Variants in PCDHA4 observed in about 807,000 individuals in gnomAD.
The protein encoded by PCDHA4 is protocadherin alpha 4.
PCDHA4 carries 49 observed loss-of-function variants against 61.4 expected under a neutral mutation model. That is an observed-to-expected ratio of 0.80 (90% confidence interval 0.63 to 1.01). The LOEUF (loss-of-function observed/expected upper bound fraction) is 1.01, where lower values mean the gene tolerates loss of function less well. Among genes scored for constraint, PCDHA4 ranks in the 50% least tolerant of loss-of-function variants. The pLI is 0.00. For synonymous variants in PCDHA4, 590 were observed against 550.3 expected (o/e 1.07, Z -1.01); for missense variants, 1,254 against 1,235.8 (o/e 1.01, Z -0.22).
At chr5:140,836,267 T>C in intron 1 of PCDHA4, 1 of 1,613,696 alleles carries the variant, frequency 6.2e-7, no homozygotes, top group Non-Finnish European at 8.5e-7. Flanking sequence ...GGCTGTACAC[T>C]GGTGAGATCA....
At chr5:140,815,500 G>A (rs1554126799) in intron 1 of PCDHA4, 1 of 150,994 alleles carries the variant, frequency 6.6e-6, no homozygotes, top group African/African-American at 2.4e-5. Flanking sequence ...TTATGTTATT[G>A]ATGTCATAAA....
intron 1 of PCDHA4, chr5:140,882,828 A>T: frequency 6.2e-7 from 1 of 1,614,226 alleles, no homozygotes; most frequent in Non-Finnish European, 8.5e-7. Context: ...AACAGTCTTG[A>T]GCAAATGTCT....
chr5:141,005,584 C>T (rs1307831783), intron 3 of PCDHA4, among the ~76,000 whole-genome samples: 2 of 151,062 alleles, frequency 1.3e-5, no homozygotes, highest in Non-Finnish European at 2.9e-5. Context: ...TGCCTGTAGT[C>T]CCAGCTACAC....
chr5:140,823,023 C>G, intron 1 of PCDHA4: 1 of 1,614,226 alleles, frequency 6.2e-7, no homozygotes, highest in Non-Finnish European at 8.5e-7. Context: ...ACCGCGAGAG[C>G]GTGTCGGTCT....
intron 1 of PCDHA4, chr5:140,813,375 T>C (rs1765280179): frequency 1.3e-5 from 2 of 152,238 alleles, no homozygotes. Context: ...AGACCTAGGT[T>C]ACATGATCTA....
At chr5:140,985,945 T>C (rs1432402407) in intron 3 of PCDHA4, among the ~76,000 whole-genome samples, 1 of 152,080 alleles carries the variant, frequency 6.6e-6, no homozygotes, top group Non-Finnish European at 1.5e-5. Flanking sequence ...TTCACTGTGT[T>C]AGCCAGGATG....
At chr5:140,812,825 A>G (rs1312909388) in intron 1 of PCDHA4, 1 of 152,016 alleles carries the variant, frequency 6.6e-6, no homozygotes, top group Non-Finnish European at 1.5e-5. Flanking sequence ...TTGTGTTTTC[A>G]TTTTTGTTTA....
intron 1 of PCDHA4, chr5:140,858,192 T>A: frequency 6.3e-7 from 1 of 1,597,272 alleles, no homozygotes; most frequent in Non-Finnish European, 8.6e-7. Context: ...ACGCTGCTGC[T>A]GTACACTGCA....
At chr5:140,924,395 G>C (rs919795787) in intron 1 of PCDHA4, among the ~76,000 whole-genome samples, 1 of 152,024 alleles carries the variant, frequency 6.6e-6, no homozygotes, top group East Asian at 1.9e-4. Context: ...TACTTATATT[G>C]CCTTATATCA....
chr5:140,925,947 G>A (rs1447488918), intron 1 of PCDHA4, among the ~76,000 whole-genome samples: 1 of 152,066 alleles, frequency 6.6e-6, no homozygotes, highest in Non-Finnish European at 1.5e-5. Flanking sequence ...CTTGGAGAAG[G>A]AGAAACTGCT....
chr5:140,807,312 G>A lies in PCDHA4; in HGVS notation c.125G>A (p.Gly42Asp), dbSNP rs1763888909. 1 of 1,614,058 alleles carries A rather than the reference G, an allele frequency of 6.2e-7. No homozygotes were observed. The highest frequency in any genetic ancestry group is 8.5e-7 in the Non-Finnish European group (1 of 1,180,032). The change falls in exon 1 of 4, where the codon GGC becomes GAC. Residue 42 changes from glycine to aspartate, a missense_variant. By Grantham distance (94) the Gly-to-Asp change is moderately conservative. Transcript: ENST00000530339. ...HYSVSEEAKH[G>D]TFVGRIAQDL... ...TCGGTCTCCGAGGAGGCCAAACACG[G>A]CACCTTCGTGGGCCGCATCGCGCAG... is the stretch of plus-strand genomic sequence containing the variant.
At chr5:140,977,055 A>G (rs1220462981) in intron 1 of PCDHA4, among the ~76,000 whole-genome samples, 1 of 152,234 alleles carries the variant, frequency 6.6e-6, no homozygotes, top group Non-Finnish European at 1.5e-5. Context: ...CTGATGGACT[A>G]GTATAGAAAA....
At position 140,884,762 on chromosome 5, in the gene PCDHA4, A is replaced by T. The variant is rs491169; in HGVS notation, c.2385+75190A>T. 4,163 of 1,423,128 alleles carry T rather than the reference A, an allele frequency of 2.9e-3. 95 individuals carry two copies. The African/African-American group carries it at 0.053, about 18-fold the overall frequency. 88.2% of individuals were successfully genotyped at this position (1,423,128 alleles called of 1,614,324 possible). A position where few individuals can be genotyped will look rare whatever the true frequency, so the allele number is the denominator to read the frequency against. On this transcript the variant is annotated intron_variant, in intron 1 of 3. Coordinates refer to ENST00000530339, the MANE Select transcript of PCDHA4 (RefSeq NM_018907.4). ...TCCTGCCAATTTCAAATTATTCTTT[A>T]CTTTAATTTTAATTTTGCTAGTTGT...
chr5:140,962,855 G>A (rs556272423), intron 1 of PCDHA4, among the ~76,000 whole-genome samples: 286 of 152,196 alleles, frequency 1.9e-3, no homozygotes, highest in Admixed American at 3.8e-3. Context: ...CTTGTGCTCG[G>A]TTTGTAGAGC....
intron 1 of PCDHA4, chr5:140,883,245 G>C: frequency 6.2e-7 from 1 of 1,614,016 alleles, no homozygotes; most frequent in South Asian, 1.1e-5. Context: ...GTTGACAAAG[G>C]AAATATTCCA....
chr5:140,964,585 T>C (rs1275209289), intron 1 of PCDHA4, among the ~76,000 whole-genome samples: 1 of 151,992 alleles, frequency 6.6e-6, no homozygotes, highest in Non-Finnish European at 1.5e-5. Flanking sequence ...GGAGGAAAGA[T>C]CACTTTTCAT....
chr5:140,858,279 G>C, intron 1 of PCDHA4: 1 of 1,597,396 alleles, frequency 6.3e-7, no homozygotes, highest in Non-Finnish European at 8.6e-7. Context: ...AGCGCGGTGG[G>C]GAGCTGGTCT....
chr5:140,906,486 A>C (rs2072686991), intron 1 of PCDHA4, among the ~76,000 whole-genome samples: 1 of 152,270 alleles, frequency 6.6e-6, no homozygotes, highest in East Asian at 1.9e-4. Context: ...GTATAAATGC[A>C]CAAACATGTT....
chr5:140,832,198 T>G (rs1771866666), intron 1 of PCDHA4, among the ~76,000 whole-genome samples: 1 of 152,250 alleles, frequency 6.6e-6, no homozygotes, highest in Non-Finnish European at 1.5e-5. Context: ...TTTAACCTGC[T>G]GAGTCCTCAG....
Sources: allele counts gnomAD v4.1 joint callset (sites outside exome capture counted in the v4.1 genomes callset), GRCh38; gene constraint gnomAD v4.1.1; transcripts MANE v1.5; gene names NCBI Gene and HGNC (gene_info 2026-07-23, HGNC 2026-07-21).